The following C14orf39 variants were observed in gnomAD, a reference collection of about 807,000 sequenced individuals.
C14orf39 encodes the protein protein SIX6OS1.
In C14orf39, 66 loss-of-function variants were observed where a neutral mutation model predicts 85.6. The ratio of observed to expected loss-of-function variants is 0.77; its 90% CI spans 0.63 to 0.95. The LOEUF is 0.95. Among genes scored for constraint, C14orf39 ranks in the 40% least tolerant of loss-of-function variants. The pLI, the probability that C14orf39 is intolerant of heterozygous loss-of-function variation, is 0.00. For synonymous variants in C14orf39, 242 were observed against 214.0 expected (o/e 1.13, Z -1.14); for missense variants, 735 against 663.9 (o/e 1.11, Z -1.18).
At chr14:60,513,976 T>C (rs1893328493) in intron 1 of C14orf39, among the ~76,000 whole-genome samples, 1 of 152,234 alleles carries the variant, frequency 6.6e-6, no homozygotes, top group Non-Finnish European at 1.5e-5. Context: ...TGGATATTTA[T>C]TTATTTAATT....
At chr14:60,501,589 A>G (rs1893149264) in intron 1 of C14orf39, among the ~76,000 whole-genome samples, 1 of 152,202 alleles carries the variant, frequency 6.6e-6, no homozygotes, top group Admixed American at 6.5e-5. Flanking sequence ...TGTTGTTTTA[A>G]GCCACTCAGT....
At chr14:60,492,122 G>A (rs1892998526) in intron 2 of C14orf39, among the ~76,000 whole-genome samples, 1 of 72,174 alleles carries the variant, frequency 1.4e-5, no homozygotes, top group Non-Finnish European at 3.2e-5. Flanking sequence ...GGCACAACTT[G>A]GCAAAACTTT....
intron 16 of C14orf39, among the ~76,000 whole-genome samples, chr14:60,446,661 T>G (rs1463002776): frequency 2.0e-5 from 3 of 152,058 alleles, no homozygotes; most frequent in Non-Finnish European, 4.4e-5. Context: ...ACTATTCCAA[T>G]CAATAGAATA....
intron 4 of C14orf39, 141 bp from the exon 5 acceptor site, chr14:60,478,530 A>G (rs1287870617): frequency 2.8e-5 from 13 of 472,370 alleles, no homozygotes; most frequent in Non-Finnish European, 4.9e-5. Flanking sequence ...CAAGAAAAGT[A>G]TTTCCATCTC....
At chr14:60,471,880 TAG>T in intron 5 of C14orf39, 141 bp from the exon 6 acceptor site, 1 of 543,852 alleles carries the variant, frequency 1.8e-6, no homozygotes, top group South Asian at 2.9e-5. Context: ...GTCTGCCCTT[TAG>T]ACTTTCCTTA....
chr14:60,442,022 T>C lies in C14orf39; in HGVS notation c.1561+52A>G, dbSNP rs1299432848. The stretch of plus-strand genomic sequence containing the variant: ...AAAATAAGTTAGAGAAACTAAATAC[T>C]GTACTAATGAGTTAACATGTTTTTA... On this transcript the variant is annotated intron_variant, in intron 17 of 17. Coordinates refer to ENST00000321731, the MANE Select transcript of C14orf39 (RefSeq NM_174978.3). The C allele has an allele frequency of 2.3e-5, 29 of 1,239,192 alleles. No individual in the cohort carries two copies. The East Asian group carries it at 6.2e-4, about 26-fold the overall frequency. 76.8% of individuals were successfully genotyped at this position (1,239,192 alleles called of 1,614,324 possible). A position where few individuals can be genotyped will look rare whatever the true frequency, so the allele number is the denominator to read the frequency against.
intron 13 of C14orf39, among the ~76,000 whole-genome samples, chr14:60,459,943 C>A (rs1029918369): frequency 4.0e-5 from 6 of 151,608 alleles, no homozygotes; most frequent in Non-Finnish European, 5.9e-5. Context: ...AACAGAAATT[C>A]TTAATTTTAA....
chr14:60,473,623 C>T (rs999341202), intron 5 of C14orf39, among the ~76,000 whole-genome samples: 3 of 152,166 alleles, frequency 2.0e-5, no homozygotes, highest in South Asian at 2.1e-4. Context: ...CTACATATGG[C>T]TAGCCAGTTT....
chr14:60,465,908 G>A, intron 11 of C14orf39, 71 bp downstream of exon 11: 2 of 690,496 alleles, frequency 2.9e-6, no homozygotes, highest in Admixed American at 3.0e-5. Flanking sequence ...GTGTCTTAAG[G>A]GCAGTACATT....
chr14:60,485,557 A>T lies in C14orf39; in HGVS notation c.-9+388T>A, dbSNP rs369195556. ...AAACAGTGCGATTTCGCATTTACGA[A>T]TTTACCACGAAGAATAAAAAAATTG... On this transcript the variant is annotated intron_variant, in intron 1 of 17. Coordinates refer to ENST00000321731, the MANE Select transcript of C14orf39 (RefSeq NM_174978.3). Among the ~76,000 whole-genome samples, 17 of 152,326 alleles carry T rather than the reference A, an allele frequency of 1.1e-4. No homozygotes were observed. In the East Asian group the frequency reaches 2.5e-3, roughly 22 times the overall value.
At chr14:60,450,674 G>T (rs1253057393) in intron 16 of C14orf39, among the ~76,000 whole-genome samples, 1 of 152,120 alleles carries the variant, frequency 6.6e-6, no homozygotes, top group Non-Finnish European at 1.5e-5. Context: ...GAACACAGCG[G>T]GTAGCCAGGT....
intron 17 of C14orf39, among the ~76,000 whole-genome samples, chr14:60,439,461 G>C (rs1890404853): frequency 1.3e-5 from 2 of 152,130 alleles, no homozygotes; most frequent in African/African-American, 4.8e-5. Flanking sequence ...ATTTAAGAGA[G>C]AGAACTGATA....
At chr14:60,455,254 T>G (rs889428694) in intron 15 of C14orf39, 109 bp from the exon 16 acceptor site, 1 of 704,070 alleles carries the variant, frequency 1.4e-6, no homozygotes, top group East Asian at 3.1e-5. Context: ...AGTAGGGAAA[T>G]GTAGGAAGTA....
chr14:60,469,616 GT>G lies in C14orf39; in HGVS notation c.591del (p.Lys197AsnfsTer13). ...GAACTTTTGGTAAGATTGCTGGCAT[GT>G]TTAAGAATATCTTGTGTTTCACATC... ...NLRCETQDIL[K>X]HASNLTKSSS... On this transcript the variant is annotated frameshift_variant, in exon 8 of 18. Coordinates refer to ENST00000321731, the MANE Select transcript of C14orf39 (RefSeq NM_174978.3). LOFTEE classifies it high-confidence loss of function. The G allele has an allele frequency of 1.3e-6, 2 of 1,504,836 alleles. No individual in the cohort carries two copies. The highest frequency in any genetic ancestry group is 1.8e-6 in the Non-Finnish European group (2 of 1,113,534). The allele number at this position is 1,504,836 out of a possible 1,614,324, so 93.2% of individuals were successfully genotyped here. A position where few individuals can be genotyped will look rare whatever the true frequency, so the allele number is the denominator to read the frequency against.
Position 60,468,446 on chromosome 14 carries a change from T to C in C14orf39, c.766A>G (p.Arg256Gly), listed in dbSNP as rs760052593. ...NTENRKELKE[R>G]IFGKDEHVLT... ...TTTAATTTTAAAGGTTACCTATACC[T>C]TTCTTTCAGTTCTTTTCTGTTTTCT... is the stretch of plus-strand genomic sequence containing the variant. Residue 256 changes from arginine to glycine, a missense_variant and splice_region_variant, in exon 9 of 18, where the codon AGA becomes GGA. Physicochemically the swap from Arg to Gly is moderately radical, Grantham distance 125. Transcript: ENST00000321731. The C allele has an allele frequency of 1.3e-5, 20 of 1,565,610 alleles. No homozygotes were observed. The highest frequency in any genetic ancestry group is 1.5e-5 in the Non-Finnish European group (17 of 1,150,034).
chr14:60,443,386 G>A (rs866300617), intron 16 of C14orf39, among the ~76,000 whole-genome samples: 5 of 152,172 alleles, frequency 3.3e-5, no homozygotes, highest in African/African-American at 4.8e-5. Context: ...TGCCTGGCTC[G>A]GTGAGTGCCA....
chr14:60,471,088 C>A (rs1892051861), intron 7 of C14orf39, among the ~76,000 whole-genome samples: 1 of 151,876 alleles, frequency 6.6e-6, no homozygotes, highest in Admixed American at 6.6e-5. Flanking sequence ...CTCCTTTGCA[C>A]CTTCCATTCT....
intron 16 of C14orf39, among the ~76,000 whole-genome samples, chr14:60,453,288 T>C (rs1316142596): frequency 6.6e-6 from 1 of 151,648 alleles, no homozygotes; most frequent in African/African-American, 2.4e-5. Context: ...ATGAATTGAC[T>C]TTTTTATCTT....
In C14orf39 at chr14:60,478,313, C is replaced by A. The variant is rs759225411; in HGVS notation, c.310G>T (p.Val104Phe). The change falls in exon 5 of 18, where the codon GTT (valine) becomes TTT (phenylalanine). Residue 104 changes from valine to phenylalanine, a missense_variant. Val to Phe is a conservative substitution (Grantham distance 50). Coordinates refer to ENST00000321731, the MANE Select transcript of C14orf39 (RefSeq NM_174978.3). Reference sequence around the variant, plus strand: ...TAAGTACTATACTTGTCTTTTTCAACAGTTCCTTGATAAACAGTAAATTGG... The same window carrying A: ...TAAGTACTATACTTGTCTTTTTCAAAAGTTCCTTGATAAACAGTAAATTGG... ...QDQFTVYQGTVEKDKEMYHDY... is the reference protein window; with the variant it reads ...QDQFTVYQGTFEKDKEMYHDY... 6.5e-7 allele frequency: 1 copy of A among 1,547,364 alleles called. No homozygotes were observed. Among genetic ancestry groups the A allele is most frequent in the Admixed American group, 2.0e-5 (1 of 49,666 alleles).
Sources: gnomAD v4.1 joint callset for allele counts (sites outside exome capture counted in the v4.1 genomes callset) on GRCh38, gnomAD v4.1.1 for gene constraint, MANE v1.5 for transcripts, NCBI Gene and HGNC (gene_info 2026-07-23, HGNC 2026-07-21) for gene names.